Variants in IL31RA observed in about 807,000 individuals in gnomAD.
IL31RA encodes the protein interleukin 31 receptor A.
Under a neutral mutation model 83.7 loss-of-function variants are expected in IL31RA, and 66 were observed. That is an observed-to-expected ratio of 0.79 (90% CI 0.65 to 0.97). IL31RA has a LOEUF of 0.97. Among genes scored for constraint, IL31RA ranks in the 50% least tolerant of loss-of-function variants. The pLI is 0.00. For synonymous variants in IL31RA, 325 were observed against 329.0 expected (o/e 0.99, Z 0.13); for missense variants, 798 against 919.4 (o/e 0.87, Z 1.71).
chr5:55,872,161 T>A lies in IL31RA; in HGVS notation c.273-109T>A, dbSNP rs10060432. ...CCAAATATCCTGGACTATACAGTTC[T>A]CAAGAAAACCCAGAGAAAAACTAAC... On this transcript the variant is annotated intron_variant, in intron 3 of 14. Coordinates refer to ENST00000652347, the MANE Select transcript of IL31RA (RefSeq NM_139017.7). 7.1e-4 allele frequency: 584 copies of A among 823,958 alleles called. 3 individuals carry two copies. The African/African-American group carries it at 9.2e-3, about 13-fold the overall frequency. The allele number at this position is 823,958 out of a possible 1,614,324, so 51.0% of individuals were successfully genotyped here.
At chr5:55,871,079 A>G (rs1746476625) in intron 3 of IL31RA, among the ~76,000 whole-genome samples, 1 of 152,204 alleles carries the variant, frequency 6.6e-6, no homozygotes, top group Non-Finnish European at 1.5e-5. Context: ...TCATAACCCT[A>G]TGCTACAGAT....
At chr5:55,910,705 C>T (rs1329769488) in intron 12 of IL31RA, 33 bp downstream of exon 12, 1 of 1,611,028 alleles carries the variant, frequency 6.2e-7, no homozygotes. Context: ...AGGTACCTCT[C>T]CCTCACGTTT....
intron 12 of IL31RA, among the ~76,000 whole-genome samples, chr5:55,911,276 G>A (rs1040434527): frequency 2.0e-5 from 3 of 152,130 alleles, no homozygotes; most frequent in African/African-American, 7.2e-5. Flanking sequence ...TCACTACTAT[G>A]AGAACAGTAT....
the IL31RA span, among the ~76,000 whole-genome samples, chr5:55,843,439 C>T: frequency 0.6 from 91,042 of 151,968 alleles, 28,385 homozygotes; most frequent in Non-Finnish European, 0.69. Flanking sequence ...TTACATATTG[C>T]CAGTGAGTTC....
rs1396066514 is a variant in IL31RA at position 55,853,563 on chromosome 5, T to C, written c.63+1930T>C. The stretch of plus-strand genomic sequence containing the variant: ...CATCTGTGGAACATCCCCTGATACA[T>C]GAAGGTGAGTGCTAATTCATTTAGA... On this transcript the variant is annotated intron_variant, in intron 1 of 14. Coordinates refer to ENST00000652347, the MANE Select transcript of IL31RA (RefSeq NM_139017.7). 7.1e-6 allele frequency: 11 copies of C among 1,550,876 alleles called. No homozygotes were observed. In the South Asian group the frequency reaches 1.2e-4, roughly 17 times the overall value.
At position 55,855,075 on chromosome 5, in the gene IL31RA, G is replaced by A. The variant is rs141974438; in HGVS notation, c.63+3442G>A. ...ATCGCTTGACTACCTCCCTCTCAGTGTTATGAGTCTGCAGGTGCTTGAACT... is the reference window on the plus strand; with the variant it reads ...ATCGCTTGACTACCTCCCTCTCAGTATTATGAGTCTGCAGGTGCTTGAACT... On this transcript the variant is annotated intron_variant, in intron 1 of 14. Transcript: ENST00000652347. Among the ~76,000 whole-genome samples, 181 of 152,210 alleles carry A rather than the reference G, an allele frequency of 1.2e-3. 1 individual carries two copies. The highest frequency in any genetic ancestry group is 4.9e-4 in the Non-Finnish European group (33 of 68,020).
chr5:55,892,013 G>A (rs1305372013), intron 6 of IL31RA, among the ~76,000 whole-genome samples: 1 of 151,882 alleles, frequency 6.6e-6, no homozygotes, highest in Non-Finnish European at 1.5e-5. Context: ...CTGACCTCAT[G>A]ATCTGCCCGC....
chr5:55,910,173 T>C (rs545267735), intron 11 of IL31RA, among the ~76,000 whole-genome samples: 1 of 152,372 alleles, frequency 6.6e-6, no homozygotes, highest in Non-Finnish European at 1.5e-5. Flanking sequence ...CTTTGGATTA[T>C]CTTTTCATTC....
In IL31RA at chr5:55,920,167, G is replaced by C. The variant is rs1015494457; in HGVS notation, c.*3047G>C. 1.3e-5 allele frequency among the ~76,000 whole-genome samples: 2 copies of C among 152,230 alleles called. No homozygotes were observed. Among genetic ancestry groups the C allele is most frequent in the Non-Finnish European group, 2.9e-5 (2 of 68,040 alleles). ...ACGCAAGGGTCTGGAGGAGGCAGGA[G>C]ATGGGGAGAGATGAAAAAGGAGAGG... On this transcript the variant is annotated 3_prime_UTR_variant, in exon 15 of 15. Transcript: ENST00000652347.
chr5:55,877,415 C>T (rs1179753608), intron 4 of IL31RA, among the ~76,000 whole-genome samples: 1 of 152,078 alleles, frequency 6.6e-6, no homozygotes, highest in East Asian at 1.9e-4. Context: ...TTTATATTTG[C>T]TTGTGTATTT....
At chr5:55,859,205 G>A (rs559216183) in intron 1 of IL31RA, among the ~76,000 whole-genome samples, 5 of 152,334 alleles carry the variant, frequency 3.3e-5, no homozygotes, top group African/African-American at 1.2e-4. Context: ...GCCAGAGGAT[G>A]GCCTCATAGC....
chr5:55,876,199 A>C (rs1039719942), intron 4 of IL31RA, among the ~76,000 whole-genome samples: 18 of 152,036 alleles, frequency 1.2e-4, no homozygotes, highest in Non-Finnish European at 1.9e-4. Flanking sequence ...TGAGGTCAAG[A>C]GATTGAGACC....
rs997756787 is a variant in IL31RA at position 55,899,819 on chromosome 5, G to A, written c.853-97G>A. On this transcript the variant is annotated intron_variant, in intron 7 of 14. Transcript: ENST00000652347. The stretch of plus-strand genomic sequence containing the variant: ...ATTGTAGTTTAGTATCTAATAGTTA[G>A]CCTTATTCCCCACCCTCACCCCCAC... The A allele has an allele frequency of 8.8e-6, 7 of 796,142 alleles. No individual in the cohort carries two copies. In the East Asian group the frequency reaches 1.3e-4, roughly 15 times the overall value. 49.3% of individuals were successfully genotyped at this position (796,142 alleles called of 1,614,324 possible).
chr5:55,867,169 A>G (rs1370875487), intron 2 of IL31RA, among the ~76,000 whole-genome samples: 27 of 106,102 alleles, frequency 2.5e-4, no homozygotes, highest in African/African-American at 3.8e-4. Context: ...GTGTGTGTGC[A>G]TGTGTGTGTG....
chr5:55,839,867 C>T, the IL31RA span: 6 of 739,748 alleles, frequency 8.1e-6, no homozygotes, highest in Admixed American at 7.0e-5. Flanking sequence ...AGCCTTGTCA[C>T]CCAGCCTGCC....
At chr5:55,882,572 T>C (rs183031020) in intron 4 of IL31RA, among the ~76,000 whole-genome samples, 2 of 152,358 alleles carry the variant, frequency 1.3e-5, no homozygotes, top group African/African-American at 2.4e-5. Context: ...ATGCTACATT[T>C]ATAACTAGAA....
In IL31RA at chr5:55,886,268, C is replaced by CTTTTTTTTT. The variant is rs35481013; in HGVS notation, c.606+3088_606+3096dup. On this transcript the variant is annotated intron_variant, in intron 5 of 14. Transcript: ENST00000652347. ...GCTAGCTTGCTTGCTTGCTTGCTTG[C>CTTTTTTTTT]TTTTTTTTTTTTTTTTTTTTTTTGA... Among the ~76,000 whole-genome samples the CTTTTTTTTT allele has an allele frequency of 1.0e-3, 72 of 71,502 alleles. 2 individuals are homozygous for CTTTTTTTTT. Among genetic ancestry groups the CTTTTTTTTT allele is most frequent in the African/African-American group, 4.0e-3 (55 of 13,716 alleles). The allele number at this position is 71,502 out of a possible 152,430, so 46.9% of individuals were successfully genotyped here.
intron 2 of IL31RA, 105 bp downstream of exon 2, chr5:55,859,704 T>C: frequency 2.4e-6 from 2 of 836,026 alleles, no homozygotes; most frequent in Admixed American, 1.8e-5. Context: ...CATCCACAGA[T>C]AGAAAAGGGG....
At chr5:55,907,229 A>G in intron 9 of IL31RA, 130 bp from the exon 10 acceptor site, 1 of 674,628 alleles carries the variant, frequency 1.5e-6, no homozygotes, top group Admixed American at 2.2e-5. Context: ...TAACCTGTTT[A>G]TTTTCCAGAG....
Sources: allele counts gnomAD v4.1 joint callset (sites outside exome capture counted in the v4.1 genomes callset), GRCh38; gene constraint gnomAD v4.1.1; transcripts MANE v1.5; gene names NCBI Gene and HGNC (gene_info 2026-07-23, HGNC 2026-07-21).